Variants in TJP1 observed in about 807,000 individuals in gnomAD.
TJP1 encodes tight junction protein 1, also known as tight junction protein ZO-1.
TJP1 carries 43 observed loss-of-function variants against 194.2 expected under a neutral mutation model. The ratio of observed to expected loss-of-function variants is 0.22; its 90% confidence interval spans 0.17 to 0.29. The LOEUF (loss-of-function observed/expected upper bound fraction) is 0.29, where lower values mean the gene tolerates loss of function less well. TJP1 is among the 10% of genes least tolerant of loss of function. The pLI is 1.00. For synonymous variants in TJP1, 801 were observed against 779.0 expected, an observed-to-expected ratio of 1.03 and a Z score of -0.47; for missense variants, 1,971 against 2,185.7, an observed-to-expected ratio of 0.90 and a Z score of 1.96.
chr15:29,778,437 A>T (rs2047153489), intron 2 of TJP1, among the ~76,000 whole-genome samples: 1 of 152,090 alleles, frequency 6.6e-6, no homozygotes. Flanking sequence ...AAAAATTTCA[A>T]AAGGTTCAAC....
chr15:29,794,139 TG>T (rs1443544263), intron 2 of TJP1, among the ~76,000 whole-genome samples: 1 of 152,160 alleles, frequency 6.6e-6, no homozygotes, highest in Non-Finnish European at 1.5e-5. Flanking sequence ...TATTACTGCT[TG>T]CTCTGAAAAT....
chr15:29,863,528 C>T (rs186002235), intron 2 of TJP1, among the ~76,000 whole-genome samples: 1 of 152,214 alleles, frequency 6.6e-6, no homozygotes, highest in African/African-American at 2.4e-5. Context: ...GAGGCAGAGG[C>T]AAGCTCTCTC....
At chr15:29,804,743 A>G (rs2049010284) in intron 1 of TJP1, among the ~76,000 whole-genome samples, 1 of 152,186 alleles carries the variant, frequency 6.6e-6, no homozygotes, top group Admixed American at 6.5e-5. Flanking sequence ...AACTTGCACA[A>G]AAAGCTTCTG....
intron 11 of TJP1, among the ~76,000 whole-genome samples, chr15:29,736,109 CA>C (rs2044016777): frequency 6.6e-6 from 1 of 152,142 alleles, no homozygotes; most frequent in South Asian, 2.1e-4. Flanking sequence ...AAGATTAAGA[CA>C]GTCAAAACGC....
At chr15:29,820,742 C>T in intron 1 of TJP1, 1 of 589,734 alleles carries the variant, frequency 1.7e-6, no homozygotes, top group Non-Finnish European at 3.0e-6. Context: ...AAAATGTTGC[C>T]TTTTATCCTA....
At chr15:29,738,364 A>G (rs1478594741) in intron 10 of TJP1, among the ~76,000 whole-genome samples, 3 of 152,234 alleles carry the variant, frequency 2.0e-5, no homozygotes, top group Non-Finnish European at 2.9e-5. Context: ...AATAACAACA[A>G]CAACAACAAA....
chr15:29,725,030 T>C (rs1566902117), intron 18 of TJP1, among the ~76,000 whole-genome samples: 1 of 152,218 alleles, frequency 6.6e-6, no homozygotes, highest in Admixed American at 6.5e-5. Context: ...GTGAAAGCTA[T>C]TAACATTGGA....
At chr15:29,951,176 CT>C (rs956996158) in intron 2 of TJP1, among the ~76,000 whole-genome samples, 6 of 150,536 alleles carry the variant, frequency 4.0e-5, no homozygotes, top group East Asian at 1.9e-4. Context: ...TTTTCTTTTC[CT>C]TTTTTTTTGA....
chr15:29,720,611 C>A lies in TJP1; in HGVS notation c.2510G>T (p.Ser837Ile), dbSNP rs1369728920. The A allele has an allele frequency of 3.1e-6, 5 of 1,614,056 alleles. No individual in the cohort carries two copies. The highest frequency in any genetic ancestry group is 4.2e-6 in the Non-Finnish European group (5 of 1,180,046). The change falls in exon 19 of 28, where the codon AGT (serine) becomes ATT (isoleucine). Residue 837 changes from serine to isoleucine, a missense_variant. Physicochemically the swap from Ser to Ile is moderately radical, Grantham distance 142 (BLOSUM62 -2). Around this residue, in one of 5 missense-constraint regions of TJP1, gnomAD observed 402 missense variants for 484.2 expected, o/e 0.83. Transcript: ENST00000614355. ...GTCTTCATAGTCAGAAGTGTGTCTA[C>A]TGTCCGTGCTATACATTGAGTATTC... ...GSEYSMYSTDSRHTSDYEDTD... is the reference protein window; with the variant it reads ...GSEYSMYSTDIRHTSDYEDTD...
chr15:29,953,310 T>C (rs2055824554), intron 2 of TJP1, among the ~76,000 whole-genome samples: 1 of 151,870 alleles, frequency 6.6e-6, no homozygotes, highest in African/African-American at 2.4e-5. Context: ...CCCAGCTAAT[T>C]TTTGTCTTTT....
intron 2 of TJP1, among the ~76,000 whole-genome samples, chr15:29,869,203 A>G (rs939512627): frequency 1.3e-5 from 2 of 152,246 alleles, no homozygotes; most frequent in African/African-American, 4.8e-5. Context: ...GAGGGTGAAC[A>G]GCGAATGTGT....
At chr15:29,863,449 C>A (rs181746750) in intron 2 of TJP1, among the ~76,000 whole-genome samples, 1 of 152,120 alleles carries the variant, frequency 6.6e-6, no homozygotes, top group African/African-American at 2.4e-5. Context: ...TTCTCAGATG[C>A]GGCTGGCAGA....
Position 29,720,013 on chromosome 15 carries a change from C to T in TJP1, c.2767G>A (p.Ala923Thr). 1 of 1,602,842 alleles carries T rather than the reference C, an allele frequency of 6.2e-7. No individual in the cohort carries two copies. Among genetic ancestry groups the T allele is most frequent in the South Asian group, 1.1e-5 (1 of 88,690 alleles). Residue 923 changes from alanine to threonine, a missense_variant, in exon 20 of 28, where the codon GCA (alanine) becomes ACA (threonine). By Grantham distance (58) the Ala-to-Thr change is moderately conservative. Coordinates refer to ENST00000614355, the MANE Select transcript of TJP1 (RefSeq NM_001330239.4). ...PGFKPASQQK[A>T]EASSPVPYLS... ...TAAGGGACTGGAGATGAAGCTTCTG[C>T]TTTCTGTGAAGTGTTTAAAATATTT...
chr15:29,749,912 G>A (rs1396505393), intron 8 of TJP1, among the ~76,000 whole-genome samples: 1 of 151,986 alleles, frequency 6.6e-6, no homozygotes, highest in Admixed American at 6.6e-5. Flanking sequence ...ACGCAATCTC[G>A]GCTCACTGCA....
At chr15:29,949,323 C>T in intron 2 of TJP1, among the ~76,000 whole-genome samples, 1 of 130,446 alleles carries the variant, frequency 7.7e-6, no homozygotes, top group South Asian at 2.4e-4. Flanking sequence ...ACTTTCACCA[C>T]CACTACCTCC....
intron 8 of TJP1, among the ~76,000 whole-genome samples, chr15:29,755,988 C>G (rs2337170): frequency 0.13 from 20,024 of 151,752 alleles, 1,408 homozygotes; most frequent in South Asian, 0.15. Flanking sequence ...CTCTAACATA[C>G]AATGTTAGAG....
intron 1 of TJP1, among the ~76,000 whole-genome samples, chr15:29,810,228 T>C (rs1011676648): frequency 6.6e-6 from 1 of 152,124 alleles, no homozygotes; most frequent in Non-Finnish European, 1.5e-5. Context: ...ATGAATGAAG[T>C]ATAGATGAAA....
At chr15:29,802,568 G>T (rs76577032) in intron 1 of TJP1, among the ~76,000 whole-genome samples, 4 of 141,192 alleles carry the variant, frequency 2.8e-5, no homozygotes, top group African/African-American at 1.0e-4. Context: ...AAACAAAGCT[G>T]TTTTTTTTTT....
At chr15:29,878,641 G>C (rs929228628) in intron 2 of TJP1, among the ~76,000 whole-genome samples, 1 of 151,910 alleles carries the variant, frequency 6.6e-6, no homozygotes, top group Admixed American at 6.6e-5. Flanking sequence ...TCTTTGAAAG[G>C]TGTCTCTACA....
Sources: gnomAD v4.1 joint callset for allele counts (sites outside exome capture counted in the v4.1 genomes callset) on GRCh38, gnomAD v4.1.1 for gene constraint, gnomAD v4.1.1 regional missense constraint, MANE v1.5 for transcripts, NCBI Gene and HGNC (gene_info 2026-07-23, HGNC 2026-07-21) for gene names.